The following ATP2B2 variants were observed in gnomAD, a reference collection of about 807,000 sequenced individuals.
The protein encoded by ATP2B2 is ATPase plasma membrane Ca2+ transporting 2.
A neutral mutation model predicts 120.0 loss-of-function variants in ATP2B2; 15 were observed. The ratio of observed to expected loss-of-function variants is 0.12; its 90% CI spans 0.08 to 0.19. ATP2B2 has a LOEUF of 0.19. Ranked by LOEUF, ATP2B2 falls within the 10% of genes least tolerant of loss-of-function variation. The pLI, the probability that ATP2B2 is intolerant of heterozygous loss-of-function variation, is 1.00. For synonymous variants in ATP2B2, 694 were observed against 700.3 expected (o/e 0.99, Z 0.14); for missense variants, 1,045 against 1,719.8 (o/e 0.61, Z 6.94).
At chr3:10,344,739 A>T (rs2060381605) in intron 18 of ATP2B2, among the ~76,000 whole-genome samples, 1 of 152,144 alleles carries the variant, frequency 6.6e-6, no homozygotes, top group Admixed American at 6.5e-5. Context: ...TAAAATGAGG[A>T]TCATCACAGT....
chr3:10,467,384 C>A (rs1355156012), intron 1 of ATP2B2, among the ~76,000 whole-genome samples: 1 of 152,220 alleles, frequency 6.6e-6, no homozygotes, highest in East Asian at 1.9e-4. Context: ...TCCAGGGGCC[C>A]CTTCCTGAGT....
chr3:10,506,281 C>G (rs767289558), upstream of ATP2B2, among the ~76,000 whole-genome samples: 1 of 151,698 alleles, frequency 6.6e-6, no homozygotes, highest in Non-Finnish European at 1.5e-5. Context: ...CACCTGCCCT[C>G]GGGGGGGTGT....
chr3:10,670,493 T>C (rs528664336), intron 1 of ATP2B2, among the ~76,000 whole-genome samples: 1 of 152,124 alleles, frequency 6.6e-6, no homozygotes, highest in South Asian at 2.1e-4. Flanking sequence ...TCTTGGCTCA[T>C]TGCAGCCTCT....
chr3:10,550,384 A>T (rs2125511130), intron 2 of ATP2B2, among the ~76,000 whole-genome samples: 1 of 152,340 alleles, frequency 6.6e-6, no homozygotes, highest in Non-Finnish European at 1.5e-5. Context: ...CAGTCTCCTC[A>T]AGATGAACTT....
chr3:10,517,742 A>G (rs920828927), intron 3 of ATP2B2, among the ~76,000 whole-genome samples: 2 of 152,248 alleles, frequency 1.3e-5, no homozygotes, highest in South Asian at 4.1e-4. Flanking sequence ...AGCCTTGCAC[A>G]TGCACAGTCT....
chr3:10,523,711 C>G (rs146034435), intron 3 of ATP2B2, among the ~76,000 whole-genome samples: 3 of 152,120 alleles, frequency 2.0e-5, no homozygotes, highest in African/African-American at 7.2e-5. Context: ...CTTCCTCCCC[C>G]GCTTGATTAT....
chr3:10,454,106 A>T (rs1045426180), intron 1 of ATP2B2, among the ~76,000 whole-genome samples: 4 of 152,112 alleles, frequency 2.6e-5, no homozygotes, highest in African/African-American at 7.2e-5. Context: ...TTTGGGTACT[A>T]CACAGTGCCA....
intron 1 of ATP2B2, among the ~76,000 whole-genome samples, chr3:10,668,835 C>T (rs367994413): frequency 1.3e-5 from 2 of 152,332 alleles, no homozygotes; most frequent in South Asian, 4.1e-4. Flanking sequence ...CAGCCCCTAG[C>T]ATGGAGCACA....
At chr3:10,686,133 T>A (rs1198763140) in intron 1 of ATP2B2, among the ~76,000 whole-genome samples, 1 of 146,790 alleles carries the variant, frequency 6.8e-6, no homozygotes, top group African/African-American at 2.5e-5. Flanking sequence ...CTGAAGCATA[T>A]AGGGTGGAAA....
chr3:10,558,066 G>A (rs2067820156), intron 2 of ATP2B2, among the ~76,000 whole-genome samples: 1 of 152,222 alleles, frequency 6.6e-6, no homozygotes, highest in Admixed American at 6.5e-5. Context: ...AGACTGAAGT[G>A]TGCTTCTGGC....
intron 2 of ATP2B2, among the ~76,000 whole-genome samples, chr3:10,578,901 G>A (rs960615947): frequency 3.3e-5 from 5 of 152,244 alleles, no homozygotes; most frequent in African/African-American, 1.2e-4. Flanking sequence ...GGTCTCCTCT[G>A]GAGGGCAAGG....
intron 1 of ATP2B2, among the ~76,000 whole-genome samples, chr3:10,679,746 A>G (rs2071336686): frequency 6.6e-6 from 1 of 152,352 alleles, no homozygotes; most frequent in Non-Finnish European, 1.5e-5. Context: ...ATATGCACTC[A>G]AACAATAATG....
chr3:10,595,383 C>T lies in ATP2B2; in HGVS notation c.-415+24534G>A, dbSNP rs565184137. ...CTAAGGTCCTAATTAGTAAGGTGTA[C>T]CTTAGTGAAGAGTTCTCAGTGGAAT... On this transcript the variant is annotated intron_variant, in intron 2 of 21. Transcript: ENST00000646379. Among the ~76,000 whole-genome samples the T allele has an allele frequency of 2.0e-5, 3 of 152,280 alleles. No homozygotes were observed. The South Asian group carries it at 6.2e-4, about 32-fold the overall frequency.
At chr3:10,392,446 G>A (rs1009544011) in intron 5 of ATP2B2, among the ~76,000 whole-genome samples, 1 of 148,746 alleles carries the variant, frequency 6.7e-6, no homozygotes, top group East Asian at 1.9e-4. Context: ...TCAGCTCCAC[G>A]AGTCCCCTGC....
At chr3:10,467,998 A>G (rs2064822250) in intron 1 of ATP2B2, among the ~76,000 whole-genome samples, 1 of 152,176 alleles carries the variant, frequency 6.6e-6, no homozygotes, top group African/African-American at 2.4e-5. Context: ...CAGGATTTGC[A>G]TTAGGCCCTG....
chr3:10,461,207 T>G (rs2064474755), intron 1 of ATP2B2, among the ~76,000 whole-genome samples: 1 of 152,208 alleles, frequency 6.6e-6, no homozygotes, highest in African/African-American at 2.4e-5. Context: ...AGCTTCTATT[T>G]CTCACTACTG....
intron 2 of ATP2B2, among the ~76,000 whole-genome samples, chr3:10,586,393 A>G (rs889395653): frequency 3.4e-4 from 51 of 152,204 alleles, no homozygotes; most frequent in Non-Finnish European, 3.7e-4. Context: ...TCATCCCAAG[A>G]GGCAGATCTT....
At chr3:10,518,007 C>G (rs2066910007) in intron 3 of ATP2B2, among the ~76,000 whole-genome samples, 1 of 151,734 alleles carries the variant, frequency 6.6e-6, no homozygotes, top group South Asian at 2.1e-4. Context: ...GTGAGGCATT[C>G]CAGGTAGCAG....
At chr3:10,528,604 G>A (rs889434762) in intron 3 of ATP2B2, among the ~76,000 whole-genome samples, 8 of 152,116 alleles carry the variant, frequency 5.3e-5, no homozygotes, top group South Asian at 2.1e-4. Context: ...TTCCTCCTTC[G>A]TGTGCCAACG....
Sources: allele counts gnomAD v4.1 joint callset (sites outside exome capture counted in the v4.1 genomes callset), GRCh38; gene constraint gnomAD v4.1.1; transcripts MANE v1.5; gene names NCBI Gene and HGNC (gene_info 2026-07-23, HGNC 2026-07-21).